The following CASP4 variants were observed in gnomAD, a reference collection of about 807,000 sequenced individuals.
The protein encoded by CASP4 is caspase-4.
A neutral mutation model predicts 41.3 loss-of-function variants in CASP4; 29 were observed. The ratio of observed to expected loss-of-function variants is 0.70; its 90% CI spans 0.52 to 0.96. The LOEUF is 0.96. Among genes scored for constraint, CASP4 ranks in the 40% least tolerant of loss-of-function variants. The pLI is 0.00. For missense variants in CASP4, 447 were observed against 460.6 expected (o/e 0.97, Z 0.27); for synonymous variants, 185 against 158.4 (o/e 1.17, Z -1.26).
intron 1 of CASP4, among the ~76,000 whole-genome samples, chr11:104,958,849 T>G (rs1213776679): frequency 1.3e-5 from 2 of 149,174 alleles, no homozygotes; most frequent in African/African-American, 2.5e-5. Flanking sequence ...TAATCTTAGC[T>G]ACTCATGAGG....
chr11:104,961,305 G>A (rs886778315), intron 1 of CASP4, among the ~76,000 whole-genome samples: 15 of 152,234 alleles, frequency 9.9e-5, no homozygotes, highest in African/African-American at 3.6e-4. Flanking sequence ...GCATTGAAGG[G>A]TGTCTGGATT....
chr11:104,944,759 G>T lies in CASP4; in HGVS notation c.1128C>A (p.Gly376=), dbSNP rs1382200975. The change falls in exon 8 of 9, where the codon GGC becomes GGA. Residue 376 remains glycine (G), a synonymous_variant. Coordinates refer to ENST00000444739, the MANE Select transcript of CASP4 (RefSeq NM_001225.4). The stretch of plus-strand genomic sequence containing the variant: ...TCTCAATACTTAACCATTTTCAATT[G>T]CCAGGAAAGAGGTAGAAATATCTTG... ...SMTRYFYLFP[G]N 2 of 1,601,096 alleles carry T rather than the reference G, an allele frequency of 1.2e-6. No homozygotes were observed. Among genetic ancestry groups the T allele is most frequent in the African/African-American group, 2.7e-5 (2 of 74,672 alleles).
intron 7 of CASP4, among the ~76,000 whole-genome samples, chr11:104,945,312 G>A (rs1353124955): frequency 4.7e-5 from 7 of 149,874 alleles, no homozygotes; most frequent in Non-Finnish European, 8.8e-5. Context: ...GAGTGCAATG[G>A]TGCAACCTCG....
chr11:104,953,235 T>C (rs1860657995), intron 2 of CASP4, among the ~76,000 whole-genome samples: 3 of 152,104 alleles, frequency 2.0e-5, no homozygotes, highest in African/African-American at 7.2e-5. Context: ...ACCTAAAGTT[T>C]CCTGGGATTG....
intron 1 of CASP4, 126 bp from the exon 2 acceptor site, chr11:104,955,127 T>C (rs1284341323): frequency 1.1e-5 from 10 of 920,006 alleles, no homozygotes; most frequent in Non-Finnish European, 1.6e-5. Flanking sequence ...TCTGTCTTCT[T>C]GTACCTATAG....
At chr11:104,964,679 A>G (rs1340555742) in intron 1 of CASP4, among the ~76,000 whole-genome samples, 1 of 152,210 alleles carries the variant, frequency 6.6e-6, no homozygotes, top group African/African-American at 2.4e-5. Flanking sequence ...CCTTGTCTAC[A>G]CAGAGTCCTT....
At chr11:104,966,117 C>T (rs368651966) in intron 1 of CASP4, among the ~76,000 whole-genome samples, 4 of 152,194 alleles carry the variant, frequency 2.6e-5, no homozygotes, top group Admixed American at 6.5e-5. Flanking sequence ...CCAGAACAGC[C>T]GGATCTGCGT....
intron 1 of CASP4, among the ~76,000 whole-genome samples, chr11:104,957,027 C>T (rs1860751601): frequency 6.6e-6 from 1 of 152,048 alleles, no homozygotes; most frequent in Non-Finnish European, 1.5e-5. Flanking sequence ...TTCACATTTA[C>T]CACTTCCATT....
chr11:104,944,035 C>G (rs879858142), intron 8 of CASP4: 1 of 152,050 alleles, frequency 6.6e-6, no homozygotes, highest in Non-Finnish European at 1.5e-5. Context: ...ATATTTTGGT[C>G]AAAATAATAA....
chr11:104,953,046 A>ATG (rs1460271217), intron 2 of CASP4, among the ~76,000 whole-genome samples: 4 of 152,088 alleles, frequency 2.6e-5, no homozygotes, highest in African/African-American at 7.2e-5. Flanking sequence ...AATGATCATT[A>ATG]TGTGTGTGTG....
In CASP4 at chr11:104,950,907, C is replaced by T. The variant is rs56315921; in HGVS notation, c.546+18G>A. The T allele has an allele frequency of 3.0e-4, 483 of 1,603,824 alleles. 3 individuals are homozygous for T. In the African/African-American group the frequency reaches 5.2e-3, roughly 17 times the overall value. The stretch of plus-strand genomic sequence containing the variant: ...GTCTTGAATATGTATGTGTTTGTGG[C>T]GGCTGAGGGATTCTTACCCTGGCTG... On this transcript the variant is annotated intron_variant, in intron 4 of 8. Coordinates refer to ENST00000444739, the MANE Select transcript of CASP4 (RefSeq NM_001225.4).
chr11:104,953,284 A>C (rs879417824), intron 2 of CASP4, among the ~76,000 whole-genome samples: 1 of 152,116 alleles, frequency 6.6e-6, no homozygotes, highest in Non-Finnish European at 1.5e-5. Context: ...CCAGGGAGAC[A>C]CTAGACCCCT....
At chr11:104,944,941 G>A in intron 7 of CASP4, 90 bp from the exon 8 acceptor site, 1 of 873,296 alleles carries the variant, frequency 1.1e-6, no homozygotes, top group Middle Eastern at 2.2e-4. Context: ...CACCTGGAAT[G>A]AAGTGAGCTT....
Position 104,951,058 on chromosome 11 carries a change from G to C in CASP4, c.413C>G (p.Ala138Gly). Residue 138 changes from alanine to glycine, a missense_variant, in exon 4 of 9, where the codon GCT becomes GGT. Coordinates refer to ENST00000444739, the MANE Select transcript of CASP4 (RefSeq NM_001225.4). Reference protein sequence around the residue: ...IKERNNRTRLALIICNTEFDH... With the variant: ...IKERNNRTRLGLIICNTEFDH... ...AAACTCTGTATTGCATATGATGAGA[G>C]CCAGGCGTGTGCGGTTGTTTCTCTC... 1 of 1,613,334 alleles carries C rather than the reference G, an allele frequency of 6.2e-7. No individual in the cohort carries two copies. The highest frequency in any genetic ancestry group is 1.7e-5 in the Admixed American group (1 of 59,950).
Position 104,947,113 on chromosome 11 carries a change from C to A in CASP4, c.1005G>T (p.Trp335Cys). 6.2e-7 allele frequency: 1 copy of A among 1,612,098 alleles called. No homozygotes were observed. The highest frequency in any genetic ancestry group is 8.5e-7 in the Non-Finnish European group (1 of 1,178,490). Residue 335 changes from tryptophan (W) to cysteine (C), a missense_variant, in exon 7 of 9, where the codon TGG becomes TGT. Coordinates refer to ENST00000444739, the MANE Select transcript of CASP4 (RefSeq NM_001225.4). ...GAAATACTTCCTCTAGGTGGCAGCA[C>A]CAAGAATATTTCTGGAAGCATGTGA... ...QLITCFQKYSWCCHLEEVFRK... is the reference protein window; with the variant it reads ...QLITCFQKYSCCCHLEEVFRK...
chr11:104,954,769 G>C lies in CASP4; in HGVS notation c.240C>G (p.Asp80Glu). The C allele has an allele frequency of 6.2e-7, 1 of 1,613,144 alleles. No homozygotes were observed. Among genetic ancestry groups the C allele is most frequent in the Non-Finnish European group, 8.5e-7 (1 of 1,179,474 alleles). Residue 80 changes from aspartate (D) to glutamate (E), a missense_variant, in exon 2 of 9, where the codon GAC becomes GAG. Asp to Glu is a conservative substitution (Grantham distance 45). Transcript: ENST00000444739. ...QMLLQTFFNI[D>E]QISPNKKAHP... ...TACCTTTTTTATTGGGGGATATTTG[G>C]TCTATGTTAAAAAAGGTTTGAAGAA... is the stretch of plus-strand genomic sequence containing the variant.
chr11:104,946,199 A>G (rs965380365), intron 7 of CASP4, among the ~76,000 whole-genome samples: 25 of 152,026 alleles, frequency 1.6e-4, no homozygotes, highest in African/African-American at 5.8e-4. Context: ...TTCCCGCAGG[A>G]GTTTTACTGT....
intron 3 of CASP4, 99 bp from the exon 4 acceptor site, chr11:104,951,197 C>T: frequency 1.0e-6 from 1 of 976,798 alleles, no homozygotes; most frequent in African/African-American, 1.6e-5. Flanking sequence ...CATGCAGCTC[C>T]TCTCTGCTCT....
intron 3 of CASP4, 137 bp from the exon 4 acceptor site, chr11:104,951,235 T>C (rs754690092): frequency 6.0e-6 from 4 of 671,296 alleles, no homozygotes; most frequent in Non-Finnish European, 9.7e-6. Flanking sequence ...ACTGACTTTC[T>C]CTCTCTCAAG....
Sources: gnomAD v4.1 joint callset for allele counts (sites outside exome capture counted in the v4.1 genomes callset) on GRCh38, gnomAD v4.1.1 for gene constraint, MANE v1.5 for transcripts, NCBI Gene and HGNC (gene_info 2026-07-23, HGNC 2026-07-21) for gene names.